The following ZNF254 variants were observed in gnomAD, a reference collection of about 807,000 sequenced individuals.
ZNF254 encodes CTD-2017D11.1.
A neutral mutation model predicts 12.4 loss-of-function variants in ZNF254; 10 were observed. The observed-to-expected ratio is 0.80, with a 90% CI of 0.50 to 1.36. The LOEUF is 1.36. ZNF254 is among the 40% of genes most tolerant of loss of function. ZNF254 has a pLI of 0.00. For missense variants in ZNF254, 996 were observed against 763.9 expected, an observed-to-expected ratio of 1.30 and a Z score of -3.58; for synonymous variants, 305 against 253.4, an observed-to-expected ratio of 1.20 and a Z score of -1.93.
chr19:24,035,919 C>G lies in ZNF254; in HGVS notation c.-190+2298C>G, dbSNP rs185815425. On this transcript the variant is annotated intron_variant, in intron 1 of 4. Transcript: ENST00000613065. ...TGAAAACACAAAAGTTCAGGAATTTCTTTAATCACTGCTCTTACCTGCCCA... is the reference window on the plus strand; with the variant it reads ...TGAAAACACAAAAGTTCAGGAATTTGTTTAATCACTGCTCTTACCTGCCCA... 3.3e-5 allele frequency among the ~76,000 whole-genome samples: 5 copies of G among 152,278 alleles called. No individual in the cohort carries two copies. The East Asian group carries it at 7.7e-4, about 23-fold the overall frequency.
Position 24,129,232 on chromosome 19 carries a change from A to G in ZNF254, c.*1252A>G, listed in dbSNP as rs1386652681. On this transcript the variant is annotated 3_prime_UTR_variant, in exon 4 of 4. Transcript: ENST00000357002. The stretch of plus-strand genomic sequence containing the variant: ...AATTTTAGTTAAAATTAAGTTAGTC[A>G]TATGTTATTTTATTAATTGTACTTC... 2 of 151,938 alleles carry G rather than the reference A, an allele frequency of 1.3e-5. No individual in the cohort carries two copies. Among genetic ancestry groups the G allele is most frequent in the African/African-American group, 2.4e-5 (1 of 41,440 alleles). The allele number at this position is 151,938 out of a possible 1,614,324, so 9.4% of individuals were successfully genotyped here.
At chr19:24,055,289 T>G (rs2145351531) in intron 2 of ZNF254, among the ~76,000 whole-genome samples, 1 of 151,930 alleles carries the variant, frequency 6.6e-6, no homozygotes, top group African/African-American at 2.4e-5. Flanking sequence ...CTTTTTCTTT[T>G]TTTCTTTTGA....
intron 3 of ZNF254, among the ~76,000 whole-genome samples, chr19:24,122,915 C>T (rs1974584506): frequency 6.6e-6 from 1 of 152,280 alleles, no homozygotes; most frequent in East Asian, 1.9e-4. Context: ...TATACTCATA[C>T]CAAATTGTTT....
In ZNF254 at chr19:24,090,177, G is replaced by A. The variant is rs113180765; in HGVS notation, c.30+2840G>A. On this transcript the variant is annotated intron_variant, in intron 1 of 3. Coordinates refer to ENST00000357002, the MANE Select transcript of ZNF254 (RefSeq NM_203282.4). ...CACGCCACTGCACTCCAGCCTGGGC[G>A]ACAGAGTGAGACTCCATTTCAAAAA... 3.9e-5 allele frequency among the ~76,000 whole-genome samples: 6 copies of A among 152,052 alleles called. 1 individual carries two copies. Among genetic ancestry groups the A allele is most frequent in the African/African-American group, 1.4e-4 (6 of 41,494 alleles).
chr19:24,119,311 C>A (rs934340609), intron 3 of ZNF254, among the ~76,000 whole-genome samples: 1 of 151,926 alleles, frequency 6.6e-6, no homozygotes. Flanking sequence ...CCTGTCTCAG[C>A]CTCCCAAGCA....
intron 3 of ZNF254, among the ~76,000 whole-genome samples, chr19:24,118,838 A>G (rs183613100): frequency 3.9e-5 from 6 of 152,134 alleles, no homozygotes; most frequent in Admixed American, 3.9e-4. Context: ...CTGGCCTGGA[A>G]TGGCACCTCA....
chr19:24,124,453 A>G (rs1435611578), intron 3 of ZNF254, among the ~76,000 whole-genome samples: 4 of 152,136 alleles, frequency 2.6e-5, no homozygotes, highest in African/African-American at 9.7e-5. Flanking sequence ...ATGTATTTTT[A>G]TATGATTCTG....
chr19:24,107,171 T>G (rs1372865179), intron 3 of ZNF254: 1 of 615,688 alleles, frequency 1.6e-6, no homozygotes, highest in Non-Finnish European at 2.9e-6. Flanking sequence ...TCCTCAAGAT[T>G]GCTTTGACTA....
In ZNF254 at chr19:24,127,808, A is replaced by C; in HGVS notation, c.1808A>C (p.Lys603Thr). 6.2e-7 allele frequency: 1 copy of C among 1,613,000 alleles called. No individual in the cohort carries two copies. Among genetic ancestry groups the C allele is most frequent in the South Asian group, 1.1e-5 (1 of 91,026 alleles). ...KVIHTGVKPY[K>T]CEECGKAFFW... ...ATTCATACTGGAGTAAAACCCTACA[A>C]ATGTGAAGAATGTGGCAAAGCATTT... The change falls in exon 4 of 4, where the codon AAA becomes ACA. Residue 603 changes from lysine to threonine, a missense_variant. Lys to Thr is a moderately conservative substitution (Grantham distance 78). Coordinates refer to ENST00000357002, the MANE Select transcript of ZNF254 (RefSeq NM_203282.4).
At chr19:24,111,385 C>T (rs1340986225) in intron 3 of ZNF254, among the ~76,000 whole-genome samples, 2 of 152,224 alleles carry the variant, frequency 1.3e-5, no homozygotes, top group South Asian at 4.1e-4. Flanking sequence ...CAAGTCTTTG[C>T]TATTGTGAAT....
rs187052146 is a variant in ZNF254 at position 24,052,581 on chromosome 19, T to C, written c.-94+6302T>C. ...CTGCCTGGTCCTTGCCCACAGATCA[T>C]TGTAACATGTCACTGGGCCTAGCAT... On this transcript the variant is annotated intron_variant, in intron 2 of 4. Transcript: ENST00000613065. Among the ~76,000 whole-genome samples, 8 of 152,346 alleles carry C rather than the reference T, an allele frequency of 5.3e-5. 1 individual carries two copies. The highest frequency in any genetic ancestry group is 5.2e-4 in the Admixed American group (8 of 15,296).
In ZNF254 at chr19:24,105,897, G is replaced by A. The variant is rs371595132; in HGVS notation, c.31-43G>A. On this transcript the variant is annotated intron_variant, in intron 1 of 3. Coordinates refer to ENST00000357002, the MANE Select transcript of ZNF254 (RefSeq NM_203282.4). ...CTTGAGTCAAATGAAAAATTCTGCC[G>A]ATAGCCACTTTGTAAATATGTGTGT... is the stretch of plus-strand genomic sequence containing the variant. 11 of 1,560,652 alleles carry A rather than the reference G, an allele frequency of 7.0e-6. No individual in the cohort carries two copies. In the Admixed American group the frequency reaches 8.6e-5, roughly 12 times the overall value.
intron 2 of ZNF254, among the ~76,000 whole-genome samples, chr19:24,050,868 T>TA (rs35425055): frequency 0.16 from 24,078 of 152,060 alleles, 2,084 homozygotes; most frequent in Middle Eastern, 0.23. Flanking sequence ...CTGGCAAATT[T>TA]TTTTTATGTT....
intron 1 of ZNF254, among the ~76,000 whole-genome samples, chr19:24,089,349 A>G (rs925023261): frequency 4.6e-5 from 7 of 152,220 alleles, no homozygotes; most frequent in Non-Finnish European, 8.8e-5. Context: ...AATATTTCCT[A>G]TGAGAAGAAA....
upstream of ZNF254, among the ~76,000 whole-genome samples, chr19:24,085,306 C>T (rs998957654): frequency 4.0e-5 from 6 of 149,284 alleles, no homozygotes; most frequent in East Asian, 2.0e-4. Flanking sequence ...TTTGAATAAA[C>T]GTCTTTTATT....
In ZNF254 at chr19:24,117,110, G is replaced by T. The variant is rs1974132815; in HGVS notation, c.254-9144G>T. 2.6e-5 allele frequency among the ~76,000 whole-genome samples: 4 copies of T among 152,280 alleles called. No homozygotes were observed. In the South Asian group the frequency reaches 8.3e-4, roughly 32 times the overall value. ...GAGGTGTCAGTCTGCCCCTAGTGGG[G>T]GGTGCCTCCCAGTTAGGCTGCTCAT... is the stretch of plus-strand genomic sequence containing the variant. On this transcript the variant is annotated intron_variant, in intron 3 of 3. Transcript: ENST00000357002.
At chr19:24,123,948 A>T (rs570007634) in intron 3 of ZNF254, among the ~76,000 whole-genome samples, 31 of 152,080 alleles carry the variant, frequency 2.0e-4, no homozygotes, top group African/African-American at 7.0e-4. Flanking sequence ...TATTGAAAAT[A>T]TGTCTCAATT....
chr19:24,055,997 ACTCT>A (rs887043040), intron 2 of ZNF254, among the ~76,000 whole-genome samples: 2 of 152,070 alleles, frequency 1.3e-5, no homozygotes, highest in East Asian at 1.9e-4. Flanking sequence ...GAGTGATCTG[ACTCT>A]CTTGCCTAAG....
rs193105743 is a variant in ZNF254, at chr19:24,053,951, C to T, written c.-94+7672C>T. On this transcript the variant is annotated intron_variant, in intron 2 of 4. Transcript: ENST00000613065. ...CCCACTACCTATGGGATTGCATGCTCCTGCCTGGGCTCTGCCCACAGGGAC... is the reference window on the plus strand; with the variant it reads ...CCCACTACCTATGGGATTGCATGCTTCTGCCTGGGCTCTGCCCACAGGGAC... Among the ~76,000 whole-genome samples, 741 of 148,800 alleles carry T rather than the reference C, an allele frequency of 5.0e-3. 6 individuals carry two copies. Among genetic ancestry groups the T allele is most frequent in the African/African-American group, 0.017 (688 of 41,034 alleles).
Sources: allele counts gnomAD v4.1 joint callset (sites outside exome capture counted in the v4.1 genomes callset), GRCh38; gene constraint gnomAD v4.1.1; transcripts MANE v1.5; gene names NCBI Gene and HGNC (gene_info 2026-07-23, HGNC 2026-07-21).